The following DLC1 variants were observed in gnomAD, a reference collection of about 807,000 sequenced individuals.
DLC1 encodes DLC1 Rho GTPase activating protein.
A neutral mutation model predicts 140.3 loss-of-function variants in DLC1; 54 were observed. The observed-to-expected ratio is 0.38, with a 90% CI of 0.31 to 0.48. The LOEUF is 0.48. Among genes scored for constraint, DLC1 ranks in the 20% least tolerant of loss-of-function variants. The probability of loss-of-function intolerance (pLI) is 0.96; values close to 1 mark genes in which losing one functional copy is unlikely to be tolerated. For synonymous variants in DLC1, 986 were observed against 728.1 expected, an observed-to-expected ratio of 1.35 and a Z score of -5.70; for missense variants, 2,536 against 1,907.0, an observed-to-expected ratio of 1.33 and a Z score of -6.14.
At chr8:13,505,167 T>C (rs1801999162) in intron 1 of DLC1, among the ~76,000 whole-genome samples, 1 of 152,194 alleles carries the variant, frequency 6.6e-6, no homozygotes, top group Non-Finnish European at 1.5e-5. Flanking sequence ...AAGCTGTGGC[T>C]AATTTTTTTC....
At chr8:13,416,230 T>A (rs1182227231) in intron 2 of DLC1, among the ~76,000 whole-genome samples, 1 of 152,158 alleles carries the variant, frequency 6.6e-6, no homozygotes, top group African/African-American at 2.4e-5. Context: ...AATTTGCTCA[T>A]AGAACTTGTT....
intron 1 of DLC1, among the ~76,000 whole-genome samples, chr8:13,521,144 C>A (rs535537826): frequency 1.3e-5 from 2 of 152,134 alleles, no homozygotes; most frequent in Admixed American, 6.5e-5. Flanking sequence ...AGCAAACTAA[C>A]ACAGAAACAG....
At chr8:13,316,389 A>G (rs1412871340) in intron 4 of DLC1, among the ~76,000 whole-genome samples, 1 of 152,168 alleles carries the variant, frequency 6.6e-6, no homozygotes, top group Non-Finnish European at 1.5e-5. Context: ...AGCTACAATT[A>G]TATAGTTAGA....
chr8:13,490,527 G>T (rs746596515), intron 2 of DLC1, among the ~76,000 whole-genome samples: 1 of 152,168 alleles, frequency 6.6e-6, no homozygotes, highest in Admixed American at 6.5e-5. Flanking sequence ...CAGATAAGAG[G>T]CAGGACTCTG....
chr8:13,228,699 G>A (rs112907849), intron 5 of DLC1, among the ~76,000 whole-genome samples: 31 of 152,324 alleles, frequency 2.0e-4, no homozygotes, highest in Non-Finnish European at 3.8e-4. Context: ...AACTATGGTC[G>A]TGCTGCTCCA....
chr8:13,504,627 A>G (rs1801972272), intron 1 of DLC1, among the ~76,000 whole-genome samples: 1 of 152,232 alleles, frequency 6.6e-6, no homozygotes, highest in African/African-American at 2.4e-5. Context: ...AATCGGAGAA[A>G]GAGAAAAAGA....
At chr8:13,178,144 G>T (rs1180013954) in intron 5 of DLC1, among the ~76,000 whole-genome samples, 6 of 152,066 alleles carry the variant, frequency 3.9e-5, no homozygotes, top group Non-Finnish European at 8.8e-5. Context: ...TCAATGAATT[G>T]CAGATCTAGA....
At chr8:13,594,677 A>G (rs909922856) in intron 1 of DLC1, among the ~76,000 whole-genome samples, 1 of 151,930 alleles carries the variant, frequency 6.6e-6, no homozygotes, top group Non-Finnish European at 1.5e-5. Context: ...TTTCTTTTTT[A>G]AAGTGAAAGC....
In DLC1 at chr8:13,480,456, A is replaced by T. The variant is rs376608109; in HGVS notation, c.1023+18593T>A. The stretch of plus-strand genomic sequence containing the variant: ...CTGGTTGATCTTTTAAAGATAGACT[A>T]TATCTTCTTCCTTTGGGTCCAATTT... On this transcript the variant is annotated intron_variant, in intron 2 of 17. Coordinates refer to ENST00000276297, the MANE Select transcript of DLC1 (RefSeq NM_182643.3). Among the ~76,000 whole-genome samples, 355 of 152,300 alleles carry T rather than the reference A, an allele frequency of 2.3e-3. 11 individuals are homozygous for T. The South Asian group carries it at 0.065, about 28-fold the overall frequency.
At chr8:13,117,460 A>G (rs1201203511) in intron 5 of DLC1, among the ~76,000 whole-genome samples, 1 of 152,206 alleles carries the variant, frequency 6.6e-6, no homozygotes, top group Non-Finnish European at 1.5e-5. Context: ...CCTGGGCAAC[A>G]GAGTAAGACT....
At chr8:13,204,975 T>C (rs1396552170) in intron 5 of DLC1, among the ~76,000 whole-genome samples, 2 of 152,210 alleles carry the variant, frequency 1.3e-5, no homozygotes, top group African/African-American at 4.8e-5. Context: ...TTGGCTTGCT[T>C]CTTAACACCT....
chr8:13,255,241 G>A (rs999034012), intron 5 of DLC1, among the ~76,000 whole-genome samples: 1 of 151,944 alleles, frequency 6.6e-6, no homozygotes, highest in Non-Finnish European at 1.5e-5. Context: ...AAAGTGCTGG[G>A]ATTACAGGCA....
At chr8:13,601,323 C>T (rs533602257) in intron 1 of DLC1, among the ~76,000 whole-genome samples, 1 of 151,700 alleles carries the variant, frequency 6.6e-6, no homozygotes, top group Non-Finnish European at 1.5e-5. Context: ...CTATCTTATA[C>T]TTCAGTGTAT....
intron 4 of DLC1, among the ~76,000 whole-genome samples, chr8:13,364,119 G>C (rs1010741151): frequency 2.6e-5 from 4 of 152,076 alleles, no homozygotes; most frequent in African/African-American, 9.7e-5. Flanking sequence ...AGAGAGAAAG[G>C]AGTTCAAGGA....
At chr8:13,390,265 G>C (rs1201233898) in intron 4 of DLC1, among the ~76,000 whole-genome samples, 2 of 152,128 alleles carry the variant, frequency 1.3e-5, no homozygotes, top group Non-Finnish European at 2.9e-5. Context: ...CAAAAGTGTA[G>C]CTTCATGCAT....
chr8:13,362,955 T>A (rs534942463), intron 4 of DLC1, among the ~76,000 whole-genome samples: 38 of 152,348 alleles, frequency 2.5e-4, no homozygotes, highest in African/African-American at 9.1e-4. Flanking sequence ...CATCTCTGTT[T>A]TCTCGATTAC....
At chr8:13,137,217 C>G (rs192717196) in intron 5 of DLC1, among the ~76,000 whole-genome samples, 2 of 152,322 alleles carry the variant, frequency 1.3e-5, no homozygotes, top group African/African-American at 2.4e-5. Context: ...AGTGTCCTTC[C>G]TCTTCATTTA....
intron 5 of DLC1, among the ~76,000 whole-genome samples, chr8:13,167,624 G>T (rs941805812): frequency 6.6e-6 from 1 of 152,194 alleles, no homozygotes; most frequent in African/African-American, 2.4e-5. Context: ...AAAGGCACCT[G>T]CACAGCTACC....
intron 2 of DLC1, among the ~76,000 whole-genome samples, chr8:13,402,075 A>C (rs1237906240): frequency 2.0e-5 from 3 of 151,548 alleles, no homozygotes; most frequent in Non-Finnish European, 4.4e-5. Flanking sequence ...AAAAGAACTA[A>C]GCGAGGCAAG....
Sources: gnomAD v4.1 joint callset for allele counts (sites outside exome capture counted in the v4.1 genomes callset) on GRCh38, gnomAD v4.1.1 for gene constraint, MANE v1.5 for transcripts, NCBI Gene and HGNC (gene_info 2026-07-23, HGNC 2026-07-21) for gene names.